Variants in AATK observed in about 807,000 individuals in gnomAD.
The protein encoded by AATK is serine/threonine-protein kinase LMTK1.
In AATK, 91 loss-of-function variants were observed where a neutral mutation model predicts 114.3. The ratio of observed to expected loss-of-function variants is 0.80; its 90% confidence interval spans 0.67 to 0.95. AATK has a LOEUF of 0.95. AATK is among the 40% of genes least tolerant of loss of function. AATK has a pLI of 0.00. For synonymous variants in AATK, 1,075 were observed against 916.5 expected, an observed-to-expected ratio of 1.17 and a Z score of -3.12; for missense variants, 2,176 against 1,965.2, an observed-to-expected ratio of 1.11 and a Z score of -2.03.
chr17:81,157,276 A>C (rs1423704127), intron 1 of AATK, among the ~76,000 whole-genome samples: 2 of 152,196 alleles, frequency 1.3e-5, no homozygotes, highest in Non-Finnish European at 2.9e-5. Context: ...GGACATGGCA[A>C]GGTCCACGGG....
intron 1 of AATK, among the ~76,000 whole-genome samples, chr17:81,140,760 GCCGTGGGGCTGTGGGGCGGTGAGA>G (rs1443202219): frequency 2.8e-5 from 3 of 106,858 alleles, no homozygotes; most frequent in Admixed American, 1.7e-4. Context: ...GGGGCCGTGA[GCCGTGGGGCTGTGGGGCGGTGAGA>G]CCGTGGGGCC....
In AATK at chr17:81,126,486, G is replaced by A. The variant is rs1480506966; in HGVS notation, c.696C>T (p.Arg232=). ...SMAPDPRTLQ[R]MACEVACGVL... ...CGCCACAGGCCACCTCACAGGCCATGCGCTGCAGGGTCCGGGGGTCGGGAG... is the reference window on the plus strand; with the variant it reads ...CGCCACAGGCCACCTCACAGGCCATACGCTGCAGGGTCCGGGGGTCGGGAG... The change falls in exon 7 of 14, where the codon CGC becomes CGT. Residue 232 remains arginine, a synonymous_variant. Coordinates refer to ENST00000326724, the MANE Select transcript of AATK (RefSeq NM_001080395.3). This position sits in a 1 kb window ranked among gnomAD's most constrained non-coding sequence, Gnocchi z 5.1. 6 of 1,554,796 alleles carry A rather than the reference G, an allele frequency of 3.9e-6. No individual in the cohort carries two copies. Among genetic ancestry groups the A allele is most frequent in the Non-Finnish European group, 4.4e-6 (5 of 1,149,346 alleles).
At chr17:81,125,050 A>G (rs1568225115) in intron 7 of AATK, 36 bp from the exon 8 acceptor site, 1 of 1,238,788 alleles carries the variant, frequency 8.1e-7, no homozygotes. Context: ...CAGGGTGAGC[A>G]GGGTGAGCAG....
Position 81,121,206 on chromosome 17 carries a change from G to A in AATK, c.2730C>T (p.Ser910=). 6.2e-7 allele frequency: 1 copy of A among 1,604,848 alleles called. No homozygotes were observed. Among genetic ancestry groups the A allele is most frequent in the Non-Finnish European group, 8.5e-7 (1 of 1,176,240 alleles). Residue 910 remains serine (S), a synonymous_variant, in exon 11 of 14, where the codon TCC becomes TCT. Transcript: ENST00000326724. ...PDSLDSLDIP[S]SASDGGYEVF... is the part of the protein sequence containing the mutation. ...CCTCATAGCCACCATCACTGGCTGA[G>A]GACGGGATGTCCAGGGAGTCCAGGG...
intron 10 of AATK, 138 bp downstream of exon 10, chr17:81,123,056 G>A (rs906624432): frequency 5.7e-6 from 6 of 1,052,692 alleles, no homozygotes; most frequent in South Asian, 2.1e-5. Flanking sequence ...CAGAGGTGGC[G>A]GGTGGAGGCC....
chr17:81,124,541 C>A (rs1472707871), intron 9 of AATK, among the ~76,000 whole-genome samples, 186 bp downstream of exon 9: 1 of 152,338 alleles, frequency 6.6e-6, no homozygotes, highest in East Asian at 1.9e-4. Flanking sequence ...CTGGGGCACC[C>A]TGTCAGGGTG....
intron 1 of AATK, among the ~76,000 whole-genome samples, chr17:81,145,139 G>A (rs181955479): frequency 9.2e-4 from 139 of 151,284 alleles, no homozygotes; most frequent in African/African-American, 3.0e-3. Flanking sequence ...AGGCTGAGGC[G>A]GGAAAATCGC....
rs532313710 is a variant in AATK at position 81,133,424 on chromosome 17, A to C, written c.189+944T>G. On this transcript the variant is annotated intron_variant, in intron 2 of 13. Transcript: ENST00000326724. ...CCAGCTGAGTCATGGGTCACTTAGT[A>C]GGAAGGCACCCTGAGATACAGACAG... 1.9e-3 allele frequency: 613 copies of C among 326,510 alleles called. 2 individuals carry two copies. The highest frequency in any genetic ancestry group is 3.2e-3 in the Non-Finnish European group (527 of 163,658). The allele number at this position is 326,510 out of a possible 1,614,324, so 20.2% of individuals were successfully genotyped here. A position where few individuals can be genotyped will look rare whatever the true frequency, so the allele number is the denominator to read the frequency against.
intron 2 of AATK, among the ~76,000 whole-genome samples, chr17:81,134,046 G>T (rs1411660873): frequency 6.6e-6 from 1 of 152,122 alleles, no homozygotes; most frequent in Non-Finnish European, 1.5e-5. Context: ...TCCCACACCA[G>T]CTCCAGAGCC....
At chr17:81,152,647 G>A (rs975265969) in intron 1 of AATK, among the ~76,000 whole-genome samples, 1 of 152,166 alleles carries the variant, frequency 6.6e-6, no homozygotes, top group Non-Finnish European at 1.5e-5. Flanking sequence ...AACCAGGTCA[G>A]CAACCTCAGA....
chr17:81,121,381 T>G lies in AATK; in HGVS notation c.2555A>C (p.Glu852Ala). 6.2e-7 allele frequency: 1 copy of G among 1,610,172 alleles called. No homozygotes were observed. The highest frequency in any genetic ancestry group is 8.5e-7 in the Non-Finnish European group (1 of 1,179,178). Reference protein sequence around the residue: ...SALNGSSSSPEVEAPSSEDED... With the variant: ...SALNGSSSSPAVEAPSSEDED... ...ATCCTCACTGCTGGGTGCCTCCACC[T>G]CGGGAGAGCTGCTGCTGCCATTCAG... The change falls in exon 11 of 14, where the codon GAG (glutamate) becomes GCG (alanine). Residue 852 changes from glutamate (E) to alanine (A), a missense_variant. This residue lies in a region of AATK where 1,701 missense variants were observed against 1,394.7 expected (regional missense o/e 1.22). Transcript: ENST00000326724.
Position 81,122,604 on chromosome 17 carries a change from G to C in AATK, c.1332C>G (p.Ala444=). 1.4e-6 allele frequency: 2 copies of C among 1,427,710 alleles called. No individual in the cohort carries two copies. The highest frequency in any genetic ancestry group is 1.5e-5 in the African/African-American group (1 of 66,280). The allele number at this position is 1,427,710 out of a possible 1,614,324, so 88.4% of individuals were successfully genotyped here. ...ACTGCTCCAGCAGCGGGAAGGACGAGGCAGCGGCGAGCTCCACCACGCCGC... is the reference window on the plus strand; with the variant it reads ...ACTGCTCCAGCAGCGGGAAGGACGACGCAGCGGCGAGCTCCACCACGCCGC... ...MLGGVVELAA[A]SSFPLLEQFA... The change falls in exon 11 of 14, where the codon GCC becomes GCG. Residue 444 remains alanine (A), a synonymous_variant. Coordinates refer to ENST00000326724, the MANE Select transcript of AATK (RefSeq NM_001080395.3).
chr17:81,129,270 T>C lies in AATK; in HGVS notation c.335-721A>G, dbSNP rs186687916. Among the ~76,000 whole-genome samples, 261 of 152,286 alleles carry C rather than the reference T, an allele frequency of 1.7e-3. 1 individual carries two copies. The highest frequency in any genetic ancestry group is 6.0e-3 in the African/African-American group (251 of 41,568). ...CCAGGGCCTGGAGACCCAGAGAATGTAGAGGCGGGGCAGGGCAGAATTGAG... is the reference window on the plus strand; with the variant it reads ...CCAGGGCCTGGAGACCCAGAGAATGCAGAGGCGGGGCAGGGCAGAATTGAG... On this transcript the variant is annotated intron_variant, in intron 3 of 13. Coordinates refer to ENST00000326724, the MANE Select transcript of AATK (RefSeq NM_001080395.3).
At position 81,120,958 on chromosome 17, in the gene AATK, CG is replaced by C. The variant is rs748657581; in HGVS notation, c.2977del (p.Arg993GlufsTer111). ...GAGGTCTGAGAAGTAGGCAGAGTCT[CG>C]GTAGGGATTCTTCTCGTTGAGGCCA... ...LSGLNEKNPY[R>X]DSAYFSDLEA... is the part of the protein sequence containing the mutation. On this transcript the variant is annotated frameshift_variant, in exon 11 of 14. Transcript: ENST00000326724. LOFTEE classifies it high-confidence loss of function. 2 of 1,609,418 alleles carry C rather than the reference CG, an allele frequency of 1.2e-6. No individual in the cohort carries two copies. The highest frequency in any genetic ancestry group is 1.3e-5 in the African/African-American group (1 of 74,904).
At chr17:81,125,124 G>A (rs1429522920) in intron 7 of AATK, 110 bp from the exon 8 acceptor site, 2 of 871,266 alleles carry the variant, frequency 2.3e-6, no homozygotes, top group East Asian at 2.7e-5. Context: ...ATCCAGCACA[G>A]GGTCCTTTGC....
intron 7 of AATK, chr17:81,125,762 C>T (rs926838576): frequency 2.2e-4 from 80 of 360,584 alleles, no homozygotes; most frequent in Admixed American, 1.8e-3. Context: ...CCCATGTCTG[C>T]GTGCCAGGGG....
rs756104031 is a variant in AATK at position 81,122,611 on chromosome 17, G to GCGA, written c.1322_1324dup (p.Leu441_Ala442insVal). The stretch of plus-strand genomic sequence containing the variant: ...CAGCAGCGGGAAGGACGAGGCAGCG[G>GCGA]CGAGCTCCACCACGCCGCCCAGCAT... On this transcript the variant is annotated inframe_insertion, in exon 11 of 14. Coordinates refer to ENST00000326724, the MANE Select transcript of AATK (RefSeq NM_001080395.3). The GCGA allele has an allele frequency of 2.9e-5, 42 of 1,423,792 alleles. No homozygotes were observed. The South Asian group carries it at 5.6e-4, about 19-fold the overall frequency. The allele number at this position is 1,423,792 out of a possible 1,614,324, so 88.2% of individuals were successfully genotyped here.
intron 4 of AATK, 103 bp from the exon 5 acceptor site, chr17:81,128,013 G>T (rs1244998583): frequency 1.4e-6 from 2 of 1,408,602 alleles, no homozygotes; most frequent in Non-Finnish European, 1.9e-6. Context: ...CCCAGGACAG[G>T]ACACTTCTCC....
rs995326447 is a variant in AATK, at chr17:81,163,519, C to T, written c.55+2419G>A. On this transcript the variant is annotated intron_variant, in intron 1 of 13. Coordinates refer to ENST00000326724, the MANE Select transcript of AATK (RefSeq NM_001080395.3). ...GAGAGGCTGGGTGAGTAGTCCGAGG[C>T]CACACAGCACAGAGGCTGGAAGGCT... is the stretch of plus-strand genomic sequence containing the variant. Among the ~76,000 whole-genome samples the T allele has an allele frequency of 4.6e-5, 7 of 152,374 alleles. No homozygotes were observed. The East Asian group carries it at 1.2e-3, about 25-fold the overall frequency.
Sources: gnomAD v4.1 joint callset for allele counts (sites outside exome capture counted in the v4.1 genomes callset) on GRCh38, gnomAD v4.1.1 for gene constraint, gnomAD v4.1.1 regional missense constraint, Gnocchi (gnomAD v3.1) non-coding constraint, MANE v1.5 for transcripts, NCBI Gene and HGNC (gene_info 2026-07-23, HGNC 2026-07-21) for gene names.